POFUT2: variants seen among roughly 807,000 people sequenced by gnomAD.
POFUT2 encodes GDP-fucose protein O-fucosyltransferase 2.
Under a neutral mutation model 55.0 loss-of-function variants are expected in POFUT2, and 30 were observed. That is an observed-to-expected ratio of 0.55 (90% CI 0.41 to 0.74). POFUT2 has a LOEUF of 0.74. POFUT2 is among the 30% of genes least tolerant of loss of function. POFUT2 has a pLI of 0.00. For missense variants in POFUT2, 524 were observed against 562.6 expected, an observed-to-expected ratio of 0.93 and a Z score of 0.69; for synonymous variants, 267 against 231.1, an observed-to-expected ratio of 1.16 and a Z score of -1.41.
In POFUT2 at chr21:45,267,570, A is replaced by C. The variant is rs1156536372; in HGVS notation, c.1136+20T>G. 3 of 1,614,150 alleles carry C rather than the reference A, an allele frequency of 1.9e-6. No homozygotes were observed. The Admixed American group carries it at 5.0e-5, about 27-fold the overall frequency. ...AAGCCACCCGACCCGCTCTCGGCCG[A>C]CAGTGACGTGGGCAGGCACCTGGCG... On this transcript the variant is annotated intron_variant, in intron 8 of 8. Coordinates refer to ENST00000349485, the MANE Select transcript of POFUT2 (RefSeq NM_133635.6). This position sits in a 1 kb window ranked among gnomAD's most constrained non-coding sequence, Gnocchi z 4.4.
chr21:45,287,676 C>CCAACCCAACCAAG, intron 1 of POFUT2, 65 bp downstream of exon 1: 1 of 1,181,534 alleles, frequency 8.5e-7, no homozygotes, highest in Non-Finnish European at 1.1e-6. Context: ...GCCCCGCCCC[C>CCAACCCAACCAAG]ATCCCATCCT....
chr21:45,269,174 G>GC (rs1569218043), intron 7 of POFUT2, among the ~76,000 whole-genome samples: 1 of 149,184 alleles, frequency 6.7e-6, no homozygotes, highest in Admixed American at 6.6e-5. Context: ...GGGGGGGTCA[G>GC]CCCCCCGCCC....
intron 6 of POFUT2, among the ~76,000 whole-genome samples, chr21:45,275,336 A>G (rs1456084237): frequency 6.6e-6 from 1 of 152,000 alleles, no homozygotes; most frequent in Non-Finnish European, 1.5e-5. Context: ...GTCAACTAGT[A>G]CAACCATTGT....
In POFUT2 at chr21:45,277,076, G is replaced by A; in HGVS notation, c.772C>T (p.Leu258Phe). ...CTGTCTGCGTCGTCCGTGGAGTTGA[G>A]ATGTCTGCTCCTGAACTCGTCTCCC... ...EVGDEFRSRHLNSTDDADRIP... is the reference protein window; with the variant it reads ...EVGDEFRSRHFNSTDDADRIP... Residue 258 changes from leucine (L) to phenylalanine (F), a missense_variant, in exon 6 of 9, where the codon CTC becomes TTC. Physicochemically the swap from Leu to Phe is conservative, Grantham distance 22. Coordinates refer to ENST00000349485, the MANE Select transcript of POFUT2 (RefSeq NM_133635.6). This position sits in a 1 kb window ranked among gnomAD's most constrained non-coding sequence, Gnocchi z 6.9. 1 of 1,614,020 alleles carries A rather than the reference G, an allele frequency of 6.2e-7. No homozygotes were observed. Among genetic ancestry groups the A allele is most frequent in the Non-Finnish European group, 8.5e-7 (1 of 1,179,894 alleles).
chr21:45,266,094 C>T (rs1216821919), intron 8 of POFUT2: 9 of 1,334,212 alleles, frequency 6.7e-6, no homozygotes, highest in African/African-American at 1.5e-5. Context: ...GTCAAGGCCC[C>T]CTCCACACAC....
At position 45,281,912 on chromosome 21, in the gene POFUT2, G is replaced by A. The variant is rs138183915; in HGVS notation, c.638+437C>T. ...AGGCCGGCGACCACTTGAGGCAGAC[G>A]CATGGCCAAAGGTGGCTGCATGATC... On this transcript the variant is annotated intron_variant, in intron 4 of 8. Coordinates refer to ENST00000349485, the MANE Select transcript of POFUT2 (RefSeq NM_133635.6). The surrounding 1 kb of genome is among the most constrained non-coding windows in gnomAD (Gnocchi z 5.0). 3.3e-5 allele frequency among the ~76,000 whole-genome samples: 5 copies of A among 152,114 alleles called. No homozygotes were observed. The East Asian group carries it at 5.8e-4, about 18-fold the overall frequency.
At position 45,267,456 on chromosome 21, in the gene POFUT2, C is replaced by T. The variant is rs757446578; in HGVS notation, c.1136+134G>A. ...AACCAGATGCTACAGGAGACTCAGA[C>T]GAGGAGGCAAACAGTATGGAAATGA... is the stretch of plus-strand genomic sequence containing the variant. On this transcript the variant is annotated intron_variant, in intron 8 of 8. Coordinates refer to ENST00000349485, the MANE Select transcript of POFUT2 (RefSeq NM_133635.6). This position sits in a 1 kb window ranked among gnomAD's most constrained non-coding sequence, Gnocchi z 4.4. 8 of 1,613,812 alleles carry T rather than the reference C, an allele frequency of 5.0e-6. No homozygotes were observed. Among genetic ancestry groups the T allele is most frequent in the African/African-American group, 1.3e-5 (1 of 74,932 alleles).
At chr21:45,274,944 TTAAAC>T (rs1197724226) in intron 6 of POFUT2, among the ~76,000 whole-genome samples, 1 of 152,124 alleles carries the variant, frequency 6.6e-6, no homozygotes, top group African/African-American at 2.4e-5. Flanking sequence ...TAGGGCATAA[TTAAAC>T]TAAAAAGCTT....
rs1354668691 is a variant in POFUT2, at chr21:45,285,472, T to C, written c.382+206A>G. 1 of 656,454 alleles carries C rather than the reference T, an allele frequency of 1.5e-6. No homozygotes were observed. Among genetic ancestry groups the C allele is most frequent in the Non-Finnish European group, 2.8e-6 (1 of 361,836 alleles). 40.7% of individuals were successfully genotyped at this position (656,454 alleles called of 1,614,324 possible). ...CTTCAGGTCCATTTCCGAGAAACAT[T>C]TTGGGAAGCTCACTGCAGCGTGGGA... On this transcript the variant is annotated intron_variant, in intron 2 of 8. Transcript: ENST00000349485. The surrounding 1 kb of genome is among the most constrained non-coding windows in gnomAD (Gnocchi z 4.9).
Position 45,277,313 on chromosome 21 carries a change from G to A in POFUT2, c.706-171C>T. 1.2e-6 allele frequency: 1 copy of A among 855,426 alleles called. No individual in the cohort carries two copies. Among genetic ancestry groups the A allele is most frequent in the Non-Finnish European group, 1.7e-6 (1 of 574,606 alleles). The allele number at this position is 855,426 out of a possible 1,614,324, so 53.0% of individuals were successfully genotyped here. On this transcript the variant is annotated intron_variant, in intron 5 of 8. Transcript: ENST00000349485. This position sits in a 1 kb window ranked among gnomAD's most constrained non-coding sequence, Gnocchi z 6.9. The stretch of plus-strand genomic sequence containing the variant: ...GCGCCATCCACGGTGGAGGCTCTTG[G>A]AGGGTCTCCTGCATGAAGCCAACGC...
chr21:45,284,328 A>AG lies in POFUT2; in HGVS notation c.383-802dup, dbSNP rs2031133342. Among the ~76,000 whole-genome samples the AG allele has an allele frequency of 6.6e-6, 1 of 152,176 alleles. No homozygotes were observed. On this transcript the variant is annotated intron_variant, in intron 2 of 8. Transcript: ENST00000349485. The surrounding 1 kb of genome is among the most constrained non-coding windows in gnomAD (Gnocchi z 5.8). The stretch of plus-strand genomic sequence containing the variant: ...TGGGGGCTAAGGGCTGCGTGGCCTA[A>AG]GGGCCTGAGGCCACAGCTGCGGGGG...
In POFUT2 at chr21:45,285,934, CA is replaced by C. The variant is rs767705852; in HGVS notation, c.132-7del. ...TGACGTCATACAGAAGATACCTGAG[CA>C]GGGAGAAGGAGGACCACAGGTCTCA... On this transcript the variant is annotated splice_region_variant and splice_polypyrimidine_tract_variant and intron_variant, in intron 1 of 8. Coordinates refer to ENST00000349485, the MANE Select transcript of POFUT2 (RefSeq NM_133635.6). The surrounding 1 kb of genome is among the most constrained non-coding windows in gnomAD (Gnocchi z 4.9). 7.8e-5 allele frequency: 125 copies of C among 1,596,680 alleles called. No homozygotes were observed. The highest frequency in any genetic ancestry group is 1.0e-4 in the Non-Finnish European group (121 of 1,170,464).
At position 45,265,780 on chromosome 21, in the gene POFUT2, A is replaced by G; in HGVS notation, c.1137-145T>C. 1 of 1,433,620 alleles carries G rather than the reference A, an allele frequency of 7.0e-7. No individual in the cohort carries two copies. 88.8% of individuals were successfully genotyped at this position (1,433,620 alleles called of 1,614,324 possible). A position where few individuals can be genotyped will look rare whatever the true frequency, so the allele number is the denominator to read the frequency against. On this transcript the variant is annotated intron_variant, in intron 8 of 8. Transcript: ENST00000349485. The surrounding 1 kb of genome is among the most constrained non-coding windows in gnomAD (Gnocchi z 4.6). The stretch of plus-strand genomic sequence containing the variant: ...CACGGCCGTCCCCCGAGCACCCACC[A>G]GCCGGCCGCCCCCTTGCTGGCACCC...
rs1344964637 is a variant in POFUT2 at position 45,282,490 on chromosome 21, A to G, written c.528-31T>C. The G allele has an allele frequency of 6.8e-6, 9 of 1,321,842 alleles. No individual in the cohort carries two copies. The highest frequency in any genetic ancestry group is 1.8e-4 in the Middle Eastern group (1 of 5,562). The allele number at this position is 1,321,842 out of a possible 1,614,324, so 81.9% of individuals were successfully genotyped here. A position where few individuals can be genotyped will look rare whatever the true frequency, so the allele number is the denominator to read the frequency against. Reference sequence around the variant, plus strand: ...AAACAAAACCCACAGCAGCTCTATCAGTTTATTTTGCTTTCACAAGGAAAA... The same window carrying G: ...AAACAAAACCCACAGCAGCTCTATCGGTTTATTTTGCTTTCACAAGGAAAA... On this transcript the variant is annotated intron_variant, in intron 3 of 8. Coordinates refer to ENST00000349485, the MANE Select transcript of POFUT2 (RefSeq NM_133635.6). This position sits in a 1 kb window ranked among gnomAD's most constrained non-coding sequence, Gnocchi z 4.6.
intron 1 of POFUT2, among the ~76,000 whole-genome samples, chr21:45,287,475 C>T (rs1422077698): frequency 1.3e-5 from 1 of 78,642 alleles, no homozygotes; most frequent in Non-Finnish European, 2.5e-5. Context: ...GCCCCTTACT[C>T]CGCCACATTC....
At position 45,267,547 on chromosome 21, in the gene POFUT2, G is replaced by A. The variant is rs1449052410; in HGVS notation, c.1136+43C>T. ...ACTTGGGACAGAAGAACCTTTGAAAGCCACCCGACCCGCTCTCGGCCGACA... is the reference window on the plus strand; with the variant it reads ...ACTTGGGACAGAAGAACCTTTGAAAACCACCCGACCCGCTCTCGGCCGACA... On this transcript the variant is annotated intron_variant, in intron 8 of 8. Transcript: ENST00000349485. This position sits in a 1 kb window ranked among gnomAD's most constrained non-coding sequence, Gnocchi z 4.4. 3.1e-6 allele frequency: 5 copies of A among 1,614,036 alleles called. No homozygotes were observed. In the African/African-American group the frequency reaches 4.0e-5, roughly 13 times the overall value.
At position 45,279,248 on chromosome 21, in the gene POFUT2, C is replaced by T. The variant is rs147830735; in HGVS notation, c.639-1079G>A. Among the ~76,000 whole-genome samples, 631 of 152,112 alleles carry T rather than the reference C, an allele frequency of 4.1e-3. 3 individuals carry two copies. The highest frequency in any genetic ancestry group is 0.014 in the African/African-American group (577 of 41,472). ...CTACTAAAAATACAAAAAAATTAGCCGGGCGCGGTGGTGCATGCCACAAGT... is the reference window on the plus strand; with the variant it reads ...CTACTAAAAATACAAAAAAATTAGCTGGGCGCGGTGGTGCATGCCACAAGT... On this transcript the variant is annotated intron_variant, in intron 4 of 8. Transcript: ENST00000349485.
At chr21:45,283,953 C>T (rs960733309) in intron 2 of POFUT2, among the ~76,000 whole-genome samples, 1 of 152,198 alleles carries the variant, frequency 6.6e-6, no homozygotes, top group Non-Finnish European at 1.5e-5. Context: ...CCCCCTCGGC[C>T]ACCATCTACT....
chr21:45,265,269 A>T lies in POFUT2; in HGVS notation c.*213T>A. 2.5e-6 allele frequency: 1 copy of T among 407,740 alleles called. No homozygotes were observed. Among genetic ancestry groups the T allele is most frequent in the Non-Finnish European group, 4.3e-6 (1 of 231,390 alleles). 25.3% of individuals were successfully genotyped at this position (407,740 alleles called of 1,614,324 possible). A position where few individuals can be genotyped will look rare whatever the true frequency, so the allele number is the denominator to read the frequency against. ...CCTGAAAACAACCGCCACCCCCGAG[A>T]GCAGCGGAGCCTCTTCATCAGCCAT... On this transcript the variant is annotated 3_prime_UTR_variant, in exon 9 of 9. Coordinates refer to ENST00000349485, the MANE Select transcript of POFUT2 (RefSeq NM_133635.6). This position sits in a 1 kb window ranked among gnomAD's most constrained non-coding sequence, Gnocchi z 4.6.
Sources: allele counts gnomAD v4.1 joint callset (sites outside exome capture counted in the v4.1 genomes callset), GRCh38; gene constraint gnomAD v4.1.1; non-coding constraint Gnocchi (gnomAD v3.1); transcripts MANE v1.5; gene names NCBI Gene and HGNC (gene_info 2026-07-23, HGNC 2026-07-21).